Variants in DSCAM observed in about 807,000 individuals in gnomAD.
The protein encoded by DSCAM is DS cell adhesion molecule.
Under a neutral mutation model 217.7 loss-of-function variants are expected in DSCAM, and 47 were observed. That is an observed-to-expected ratio of 0.22 (90% CI 0.17 to 0.28). DSCAM has a LOEUF of 0.28. Among genes scored for constraint, DSCAM ranks in the 10% least tolerant of loss-of-function variants. The pLI, the probability that DSCAM is intolerant of heterozygous loss-of-function variation, is 1.00. For missense variants in DSCAM, 2,080 were observed against 2,618.3 expected (o/e 0.79, Z 4.49); for synonymous variants, 1,056 against 1,015.3 (o/e 1.04, Z -0.76).
chr21:40,189,159 A>G lies in DSCAM; in HGVS notation c.2436T>C (p.His812=), dbSNP rs780604274. The G allele has an allele frequency of 3.7e-6, 6 of 1,613,924 alleles. No homozygotes were observed. In the Admixed American group the frequency reaches 1.0e-4, roughly 27 times the overall value. The stretch of plus-strand genomic sequence containing the variant: ...AGCGGACTATAATGGGCTTCTCACC[A>G]TGCGCCGTGCAGCTCATCTCCTTTT... ...GQKKEMSCTA[H]GEKPIIVRWE... Residue 812 remains histidine, a synonymous_variant, in exon 12 of 33, where the codon CAT becomes CAC. Coordinates refer to ENST00000400454, the MANE Select transcript of DSCAM (RefSeq NM_001389.5).
intron 3 of DSCAM, among the ~76,000 whole-genome samples, chr21:40,552,853 A>G (rs1352662659): frequency 1.3e-5 from 2 of 152,228 alleles, no homozygotes; most frequent in Non-Finnish European, 2.9e-5. Flanking sequence ...AAAAGCTTTC[A>G]TTTCACCCAA....
chr21:40,783,000 T>C (rs994783056), intron 1 of DSCAM, among the ~76,000 whole-genome samples: 2 of 152,210 alleles, frequency 1.3e-5, no homozygotes, highest in African/African-American at 4.8e-5. Context: ...TTATGGAGCT[T>C]ATGTCCTGAA....
chr21:40,589,793 C>T (rs1348818830), intron 3 of DSCAM, among the ~76,000 whole-genome samples: 1 of 152,158 alleles, frequency 6.6e-6, no homozygotes, highest in African/African-American at 2.4e-5. Flanking sequence ...ATCCTCACTG[C>T]TAAACTTCTG....
chr21:40,052,463 G>A (rs1399011125), intron 29 of DSCAM, among the ~76,000 whole-genome samples: 1 of 152,130 alleles, frequency 6.6e-6, no homozygotes, highest in Admixed American at 6.5e-5. Context: ...CATCATCTGC[G>A]ATGCCAGCCC....
intron 2 of DSCAM, among the ~76,000 whole-genome samples, chr21:40,704,540 A>G (rs957599072): frequency 1.3e-5 from 2 of 151,846 alleles, no homozygotes; most frequent in African/African-American, 4.9e-5. Context: ...CATAGTGAGA[A>G]TACCCTCTAC....
intron 27 of DSCAM, among the ~76,000 whole-genome samples, chr21:40,065,406 T>C (rs2089192732): frequency 6.6e-6 from 1 of 152,028 alleles, no homozygotes; most frequent in Non-Finnish European, 1.5e-5. Flanking sequence ...GACACACTTT[T>C]GTTGAGGGTG....
At chr21:40,826,498 T>A (rs2091970124) in intron 1 of DSCAM, among the ~76,000 whole-genome samples, 1 of 152,160 alleles carries the variant, frequency 6.6e-6, no homozygotes, top group Non-Finnish European at 1.5e-5. Flanking sequence ...TTTGAGGAAA[T>A]CCCTTGGCTA....
intron 27 of DSCAM, among the ~76,000 whole-genome samples, chr21:40,067,101 T>C (rs2089216808): frequency 6.6e-6 from 1 of 152,146 alleles, no homozygotes; most frequent in African/African-American, 2.4e-5. Context: ...CTCAGAACAT[T>C]TACCCTACCC....
intron 7 of DSCAM, among the ~76,000 whole-genome samples, chr21:40,338,681 A>T (rs1322179133): frequency 6.6e-6 from 1 of 152,238 alleles, no homozygotes; most frequent in Non-Finnish European, 1.5e-5. Context: ...CTGGACAATC[A>T]CGCACTTTTG....
intron 3 of DSCAM, among the ~76,000 whole-genome samples, chr21:40,685,935 A>T (rs1353475635): frequency 1.2e-5 from 1 of 80,564 alleles, no homozygotes. Flanking sequence ...ACTGAGGCAA[A>T]CAAAAACAAA....
At chr21:40,037,816 C>T (rs982641794) in intron 32 of DSCAM, among the ~76,000 whole-genome samples, 1 of 140,796 alleles carries the variant, frequency 7.1e-6, no homozygotes, top group East Asian at 2.1e-4. Context: ...TACCAAAACA[C>T]AGATATAGAA....
intron 3 of DSCAM, among the ~76,000 whole-genome samples, chr21:40,461,794 C>T (rs2075808197): frequency 6.6e-6 from 1 of 152,092 alleles, no homozygotes; most frequent in Non-Finnish European, 1.5e-5. Context: ...ACTTGAATGG[C>T]CATTGCTGGC....
At chr21:40,150,571 G>A (rs1417845913) in intron 16 of DSCAM, among the ~76,000 whole-genome samples, 1 of 152,178 alleles carries the variant, frequency 6.6e-6, no homozygotes, top group East Asian at 1.9e-4. Context: ...TCAGGTTTTC[G>A]AAAATGACAC....
At chr21:40,599,885 A>G (rs752198155) in intron 3 of DSCAM, among the ~76,000 whole-genome samples, 3 of 152,140 alleles carry the variant, frequency 2.0e-5, no homozygotes, top group Non-Finnish European at 4.4e-5. Flanking sequence ...GGACACATAC[A>G]CCCTCCCAAG....
At position 40,013,030 on chromosome 21, in the gene DSCAM, T is replaced by A; in HGVS notation, c.*4A>T. The A allele has an allele frequency of 1.4e-6, 2 of 1,449,202 alleles. No homozygotes were observed. Among genetic ancestry groups the A allele is most frequent in the Non-Finnish European group, 1.8e-6 (2 of 1,097,306 alleles). 89.8% of individuals were successfully genotyped at this position (1,449,202 alleles called of 1,614,324 possible). ...TTACAACCGCTGTCCAGTCATGCTG[T>A]CTGTTATACCAGGGTGTAAGATTTT... On this transcript the variant is annotated 3_prime_UTR_variant, in exon 33 of 33. Coordinates refer to ENST00000400454, the MANE Select transcript of DSCAM (RefSeq NM_001389.5).
chr21:40,263,903 A>G (rs944357273), intron 11 of DSCAM, among the ~76,000 whole-genome samples: 1 of 152,202 alleles, frequency 6.6e-6, no homozygotes, highest in Non-Finnish European at 1.5e-5. Flanking sequence ...GCAAAAGATC[A>G]TTTGAGACTA....
chr21:40,300,231 T>C (rs2073999631), intron 9 of DSCAM, among the ~76,000 whole-genome samples: 1 of 152,228 alleles, frequency 6.6e-6, no homozygotes, highest in South Asian at 2.1e-4. Context: ...ATATCACAGG[T>C]ACCTCTAATT....
At chr21:40,509,098 A>G (rs2076238038) in intron 3 of DSCAM, among the ~76,000 whole-genome samples, 1 of 152,054 alleles carries the variant, frequency 6.6e-6, no homozygotes. Flanking sequence ...TTTGTACAAA[A>G]TTGCAACTTG....
chr21:40,054,936 A>T (rs774903207), intron 29 of DSCAM, among the ~76,000 whole-genome samples: 1 of 152,264 alleles, frequency 6.6e-6, no homozygotes, highest in Non-Finnish European at 1.5e-5. Flanking sequence ...CGAAGTGCTT[A>T]TAAAAACTAT....
Sources: allele counts gnomAD v4.1 joint callset (sites outside exome capture counted in the v4.1 genomes callset), GRCh38; gene constraint gnomAD v4.1.1; transcripts MANE v1.5; gene names NCBI Gene and HGNC (gene_info 2026-07-23, HGNC 2026-07-21).